Variants in SLC17A5 observed in about 807,000 individuals in gnomAD.
SLC17A5 encodes the protein solute carrier family 17 member 5.
A neutral mutation model predicts 59.4 loss-of-function variants in SLC17A5; 47 were observed. That is an observed-to-expected ratio of 0.79 (90% CI 0.63 to 1.01). SLC17A5 has a LOEUF of 1.01. Among genes scored for constraint, SLC17A5 ranks in the 50% least tolerant of loss-of-function variants. The pLI is 0.00. For missense variants in SLC17A5, 522 were observed against 595.5 expected, an observed-to-expected ratio of 0.88 and a Z score of 1.28; for synonymous variants, 202 against 210.7, an observed-to-expected ratio of 0.96 and a Z score of 0.36.
At chr6:73,640,911 A>G (rs1419106232) in intron 3 of SLC17A5, among the ~76,000 whole-genome samples, 1 of 152,210 alleles carries the variant, frequency 6.6e-6, no homozygotes, top group Non-Finnish European at 1.5e-5. Flanking sequence ...AAATCATAAA[A>G]TATTTGTCTC....
chr6:73,633,349 G>C (rs1160331598), intron 6 of SLC17A5, among the ~76,000 whole-genome samples: 2 of 151,782 alleles, frequency 1.3e-5, no homozygotes, highest in African/African-American at 4.8e-5. Context: ...GCTGCTTGTA[G>C]AGACATTTAT....
At chr6:73,611,674 G>T (rs1476225746) in intron 8 of SLC17A5, among the ~76,000 whole-genome samples, 1 of 151,948 alleles carries the variant, frequency 6.6e-6, no homozygotes, top group Non-Finnish European at 1.5e-5. Flanking sequence ...AGGCAGTTAA[G>T]CGTAAAATAT....
chr6:73,602,349 A>G (rs1387977633), intron 9 of SLC17A5, among the ~76,000 whole-genome samples: 1 of 148,726 alleles, frequency 6.7e-6, no homozygotes. Context: ...ACCTTTGTTC[A>G]CTTGTTTATC....
chr6:73,653,559 G>A (rs1473968936), intron 1 of SLC17A5: 1 of 851,534 alleles, frequency 1.2e-6, no homozygotes, highest in Non-Finnish European at 1.4e-6. Flanking sequence ...CGAGGCCCCG[G>A]CTCGGCTCCG....
chr6:73,627,001 A>T (rs566078633), intron 6 of SLC17A5, among the ~76,000 whole-genome samples: 2 of 151,822 alleles, frequency 1.3e-5, no homozygotes, highest in Non-Finnish European at 2.9e-5. Context: ...TGAACTCGTG[A>T]CCTCAGGTGA....
At chr6:73,621,783 C>T in intron 7 of SLC17A5, 21 bp downstream of exon 7, 5 of 1,561,844 alleles carry the variant, frequency 3.2e-6, no homozygotes, top group Non-Finnish European at 4.4e-6. Flanking sequence ...ATATAAGAAG[C>T]AGATGATTAT....
intron 1 of SLC17A5, chr6:73,653,301 C>A: frequency 3.0e-6 from 3 of 985,438 alleles, no homozygotes; most frequent in Non-Finnish European, 3.6e-6. Context: ...GTGGCGGAAA[C>A]CTAGCGGTGA....
intron 2 of SLC17A5, among the ~76,000 whole-genome samples, chr6:73,643,475 T>A (rs540384447): frequency 1.1e-3 from 157 of 141,754 alleles, no homozygotes; most frequent in Admixed American, 7.6e-4. Context: ...TTTATTATTT[T>A]TTATTTATTT....
intron 1 of SLC17A5, among the ~76,000 whole-genome samples, chr6:73,650,507 C>CA (rs999445559): frequency 0.046 from 1,547 of 33,682 alleles, 21 homozygotes; most frequent in Non-Finnish European, 0.054. Context: ...GACTCCGTCT[C>CA]AAAAAAAAAA....
At chr6:73,643,038 G>T (rs373626798) in intron 2 of SLC17A5, among the ~76,000 whole-genome samples, 1 of 152,106 alleles carries the variant, frequency 6.6e-6, no homozygotes, top group South Asian at 2.1e-4. Context: ...TGTTTAGAGA[G>T]AAACCCTCTT....
At chr6:73,605,102 TC>T (rs1220308937) in intron 9 of SLC17A5, among the ~76,000 whole-genome samples, 1 of 152,110 alleles carries the variant, frequency 6.6e-6, no homozygotes, top group Non-Finnish European at 1.5e-5. Flanking sequence ...ACCTTGGCCT[TC>T]CGAAGTCCTG....
chr6:73,651,753 T>C (rs532058945), intron 1 of SLC17A5, among the ~76,000 whole-genome samples: 22 of 152,034 alleles, frequency 1.4e-4, no homozygotes, highest in African/African-American at 5.3e-4. Context: ...GCGTTTCACC[T>C]TGTTAGCCGG....
rs556859447 is a variant in SLC17A5 at position 73,595,102 on chromosome 6, T to C, written c.1463A>G (p.Asn488Ser). 3 of 1,614,122 alleles carry C rather than the reference T, an allele frequency of 1.9e-6. No individual in the cohort carries two copies. Among genetic ancestry groups the C allele is most frequent in the African/African-American group, 1.3e-5 (1 of 75,066 alleles). Residue 488 changes from asparagine to serine, a missense_variant, in exon 11 of 11, where the codon AAT becomes AGT. Physicochemically the swap from Asn to Ser is conservative, Grantham distance 46 (BLOSUM62 1). This residue lies in a region of SLC17A5 where 153 missense variants were observed against 168.5 expected (regional missense o/e 0.91). Transcript: ENST00000355773. ...AKGEVQNWAL[N>S]DHHGHRH ...TCAGTGTCTGTGTCCATGGTGATCATTGAGAGCCCAGTTTTGTACTTCACC... is the reference window on the plus strand; with the variant it reads ...TCAGTGTCTGTGTCCATGGTGATCACTGAGAGCCCAGTTTTGTACTTCACC...
At chr6:73,639,398 C>T (rs1769172540) in intron 3 of SLC17A5, among the ~76,000 whole-genome samples, 1 of 152,070 alleles carries the variant, frequency 6.6e-6, no homozygotes, top group Non-Finnish European at 1.5e-5. Context: ...TTGTACTTTC[C>T]GCTGACTCTT....
chr6:73,625,706 C>A (rs1261744719), intron 6 of SLC17A5, among the ~76,000 whole-genome samples: 1 of 151,988 alleles, frequency 6.6e-6, no homozygotes. Flanking sequence ...TTTTAAAAGG[C>A]TTCACTGGTG....
chr6:73,596,673 G>T (rs1175594547), intron 10 of SLC17A5, among the ~76,000 whole-genome samples: 1 of 151,716 alleles, frequency 6.6e-6, no homozygotes, highest in Non-Finnish European at 1.5e-5. Context: ...TGGCTAACAT[G>T]GTGAAACCCC....
At chr6:73,611,042 A>G (rs549094067) in intron 8 of SLC17A5, among the ~76,000 whole-genome samples, 1 of 152,276 alleles carries the variant, frequency 6.6e-6, no homozygotes, top group South Asian at 2.1e-4. Context: ...CAGGAGTTTG[A>G]GGCCAGCCTG....
intron 10 of SLC17A5, among the ~76,000 whole-genome samples, chr6:73,599,741 C>T (rs981792273): frequency 2.6e-5 from 4 of 151,676 alleles, no homozygotes; most frequent in East Asian, 1.9e-4. Context: ...CACTATCTGT[C>T]GGATATATGT....
chr6:73,628,440 G>A (rs1426867734), intron 6 of SLC17A5, among the ~76,000 whole-genome samples: 1 of 152,016 alleles, frequency 6.6e-6, no homozygotes, highest in Non-Finnish European at 1.5e-5. Context: ...GAATGGTGAT[G>A]CGTGCATGTA....
Sources: allele counts gnomAD v4.1 joint callset (sites outside exome capture counted in the v4.1 genomes callset), GRCh38; gene constraint gnomAD v4.1.1; regional missense constraint gnomAD v4.1.1; transcripts MANE v1.5; gene names NCBI Gene and HGNC (gene_info 2026-07-23, HGNC 2026-07-21).